The following ABCB1 variants were observed in gnomAD, a reference collection of about 807,000 sequenced individuals.
ABCB1 encodes ATP binding cassette subfamily B member 1.
ABCB1 carries 69 observed loss-of-function variants against 142.0 expected under a neutral mutation model. That is an observed-to-expected ratio of 0.49 (90% CI 0.40 to 0.59). The LOEUF (loss-of-function observed/expected upper bound fraction) is 0.59. ABCB1 is among the 20% of genes least tolerant of loss of function. The pLI, the probability that ABCB1 is intolerant of heterozygous loss-of-function variation, is 0.00. For synonymous variants in ABCB1, 532 were observed against 539.2 expected (o/e 0.99, Z 0.18); for missense variants, 1,326 against 1,554.7 (o/e 0.85, Z 2.47).
chr7:87,709,572 T>C, intron 1 of ABCB1: 1 of 951,156 alleles, frequency 1.1e-6, no homozygotes, highest in Non-Finnish European at 1.3e-6. Flanking sequence ...GTAGTACTGC[T>C]GCTTCTAGCC....
At chr7:87,568,602 G>A (rs927805672) in intron 5 of ABCB1, among the ~76,000 whole-genome samples, 8 of 152,170 alleles carry the variant, frequency 5.3e-5, no homozygotes, top group Non-Finnish European at 1.0e-4. Flanking sequence ...GTAACAAGCA[G>A]ACAGTCTCTG....
At chr7:87,608,200 A>C (rs570843625) in intron 1 of ABCB1, among the ~76,000 whole-genome samples, 5 of 152,340 alleles carry the variant, frequency 3.3e-5, no homozygotes, top group African/African-American at 1.2e-4. Context: ...GATTGGGTTT[A>C]AGTTCTGGTC....
chr7:87,523,363 C>T (rs1278655400), intron 21 of ABCB1, among the ~76,000 whole-genome samples: 1 of 152,158 alleles, frequency 6.6e-6, no homozygotes, highest in Non-Finnish European at 1.5e-5. Context: ...TATGGTGGCT[C>T]ATGCCTGTAA....
At chr7:87,576,423 GTATA>G (rs1283109810) in intron 4 of ABCB1, among the ~76,000 whole-genome samples, 2 of 149,064 alleles carry the variant, frequency 1.3e-5, no homozygotes, top group Non-Finnish European at 3.0e-5. Flanking sequence ...GTGTGTGTAA[GTATA>G]TATTATATAT....
intron 1 of ABCB1, among the ~76,000 whole-genome samples, chr7:87,666,780 C>A (rs1825294161): frequency 6.6e-6 from 1 of 152,020 alleles, no homozygotes; most frequent in Non-Finnish European, 1.5e-5. Context: ...TCAGCTTTGT[C>A]AAATATCATA....
At chr7:87,628,296 G>C (rs1398288166) in intron 1 of ABCB1, 1 of 152,274 alleles carries the variant, frequency 6.6e-6, no homozygotes, top group Non-Finnish European at 1.5e-5. Context: ...GGTCCGCGCG[G>C]CCGGCCCCGC....
At chr7:87,543,801 T>C (rs1457620838) in intron 17 of ABCB1, among the ~76,000 whole-genome samples, 2 of 152,190 alleles carry the variant, frequency 1.3e-5, no homozygotes, top group African/African-American at 2.4e-5. Flanking sequence ...TCTTTGCACA[T>C]TGGTGAAATG....
chr7:87,524,570 A>T (rs1815697558), intron 21 of ABCB1, among the ~76,000 whole-genome samples: 1 of 151,240 alleles, frequency 6.6e-6, no homozygotes, highest in South Asian at 2.1e-4. Flanking sequence ...AACATCACAC[A>T]CTGGGGCCTG....
chr7:87,597,197 C>T (rs1002147697), intron 2 of ABCB1, among the ~76,000 whole-genome samples: 2 of 151,958 alleles, frequency 1.3e-5, no homozygotes, highest in Non-Finnish European at 2.9e-5. Flanking sequence ...GATACTGCAT[C>T]GCATCACATT....
intron 20 of ABCB1, among the ~76,000 whole-genome samples, chr7:87,534,971 AG>A (rs1202494113): frequency 3.3e-5 from 5 of 151,240 alleles, no homozygotes; most frequent in Non-Finnish European, 7.4e-5. Flanking sequence ...TGCAGGTAAA[AG>A]AATTTGGAGT....
intron 14 of ABCB1, 139 bp from the exon 15 acceptor site, chr7:87,546,163 T>A: frequency 1.3e-6 from 1 of 760,506 alleles, no homozygotes; most frequent in Non-Finnish European, 2.2e-6. Flanking sequence ...CTGACTTCAA[T>A]AAATGTATAG....
chr7:87,693,897 T>C, intron 1 of ABCB1: 1 of 1,607,240 alleles, frequency 6.2e-7, no homozygotes, highest in Non-Finnish European at 8.5e-7. Flanking sequence ...GTTGTTATTT[T>C]TTTTTTAAAG....
intron 4 of ABCB1, among the ~76,000 whole-genome samples, chr7:87,577,097 G>A (rs993329649): frequency 4.6e-5 from 7 of 152,050 alleles, no homozygotes; most frequent in Admixed American, 3.9e-4. Flanking sequence ...TCTGGTAAAT[G>A]TCATTCTACT....
chr7:87,594,964 TA>T (rs1819138140), intron 3 of ABCB1, among the ~76,000 whole-genome samples: 1 of 152,186 alleles, frequency 6.6e-6, no homozygotes, highest in Non-Finnish European at 1.5e-5. Context: ...TTCCAGGTTC[TA>T]ATCTCTGGAA....
chr7:87,520,976 C>A, intron 21 of ABCB1, 100 bp from the exon 22 acceptor site: 1 of 890,980 alleles, frequency 1.1e-6, no homozygotes, highest in Non-Finnish European at 1.8e-6. Context: ...TTTATGATTA[C>A]ATATTTATTA....
At chr7:87,674,571 A>T (rs1276898805) in intron 1 of ABCB1, among the ~76,000 whole-genome samples, 3 of 152,062 alleles carry the variant, frequency 2.0e-5, no homozygotes, top group Non-Finnish European at 4.4e-5. Flanking sequence ...GGCATGGGCA[A>T]ATAGTATATG....
In ABCB1 at chr7:87,513,863, C is replaced by T. The variant is rs185229127; in HGVS notation, c.3282+1368G>A. Among the ~76,000 whole-genome samples the T allele has an allele frequency of 2.9e-3, 436 of 152,316 alleles. 2 individuals are homozygous for T. The highest frequency in any genetic ancestry group is 5.0e-3 in the Non-Finnish European group (343 of 68,030). ...CTTTAACACACCACTTAATAACTGT[C>T]TGTTGAGGGCCATAATCAGTGTCTG... On this transcript the variant is annotated intron_variant, in intron 25 of 27. Transcript: ENST00000622132.
intron 1 of ABCB1, among the ~76,000 whole-genome samples, chr7:87,664,064 A>G (rs1824986185): frequency 6.6e-6 from 1 of 152,152 alleles, no homozygotes; most frequent in Non-Finnish European, 1.5e-5. Context: ...TACAGCATTT[A>G]TCAATGTGTT....
intron 18 of ABCB1, 28 bp from the exon 19 acceptor site, chr7:87,539,373 G>C (rs1479610510): frequency 1.2e-6 from 2 of 1,600,624 alleles, no homozygotes. Context: ...CCTTGTCAGG[G>C]ACCCAGCCAC....
Sources: allele counts gnomAD v4.1 joint callset (sites outside exome capture counted in the v4.1 genomes callset), GRCh38; gene constraint gnomAD v4.1.1; transcripts MANE v1.5; gene names NCBI Gene and HGNC (gene_info 2026-07-23, HGNC 2026-07-21).